GLIS3: variants seen among roughly 807,000 people sequenced by gnomAD.
GLIS3 encodes zinc finger protein GLIS3.
In GLIS3, 53 loss-of-function variants were observed where a neutral mutation model predicts 78.6. That is an observed-to-expected ratio of 0.67 (90% CI 0.54 to 0.85). GLIS3 has a LOEUF of 0.85. Among genes scored for constraint, GLIS3 ranks in the 40% least tolerant of loss-of-function variants. The pLI is 0.00. For missense variants in GLIS3, 1,703 were observed against 1,231.1 expected, an observed-to-expected ratio of 1.38 and a Z score of -5.74; for synonymous variants, 684 against 509.9, an observed-to-expected ratio of 1.34 and a Z score of -4.60.
intron 4 of GLIS3, among the ~76,000 whole-genome samples, chr9:4,037,959 A>AG (rs927667447): frequency 6.6e-6 from 1 of 151,918 alleles, no homozygotes; most frequent in Admixed American, 6.6e-5. Flanking sequence ...GGAAAGGAAA[A>AG]AAAAAATCAC....
intron 2 of GLIS3, among the ~76,000 whole-genome samples, chr9:4,233,818 AAGTCTG>A (rs1156628969): frequency 6.6e-6 from 1 of 152,198 alleles, no homozygotes; most frequent in African/African-American, 2.4e-5. Flanking sequence ...TCTACATTGA[AAGTCTG>A]TTTAGTGTAG....
At chr9:4,309,989 T>C (rs545432842) in intron 3 of GLIS3, among the ~76,000 whole-genome samples, 34 of 152,322 alleles carry the variant, frequency 2.2e-4, no homozygotes, top group African/African-American at 7.9e-4. Flanking sequence ...TGAATCACTG[T>C]CTGAACGCAA....
rs185142669 is a variant in GLIS3, at chr9:4,093,842, C to T, written c.1710+23926G>A. Among the ~76,000 whole-genome samples, 7 of 152,274 alleles carry T rather than the reference C, an allele frequency of 4.6e-5. No individual in the cohort carries two copies. The South Asian group carries it at 1.0e-3, about 23-fold the overall frequency. On this transcript the variant is annotated intron_variant, in intron 4 of 10. Transcript: ENST00000381971. ...CCAAACATGTATTCTTTGGCTATGA[C>T]AAGACAAGTTGACCAGAAGGCCTTA...
At chr9:4,222,808 G>C (rs1223748969) in intron 2 of GLIS3, among the ~76,000 whole-genome samples, 1 of 152,198 alleles carries the variant, frequency 6.6e-6, no homozygotes, top group East Asian at 1.9e-4. Flanking sequence ...ATATGTTTGA[G>C]ATAAAAGACA....
chr9:3,881,567 G>T (rs1821728765), intron 7 of GLIS3, among the ~76,000 whole-genome samples: 1 of 152,154 alleles, frequency 6.6e-6, no homozygotes, highest in South Asian at 2.1e-4. Context: ...GGAAATTGGG[G>T]ATTGTTTGTA....
the GLIS3 span, among the ~76,000 whole-genome samples, chr9:4,477,419 TG>T: frequency 1.3e-5 from 2 of 149,856 alleles, no homozygotes; most frequent in Non-Finnish European, 3.0e-5. Flanking sequence ...TTGGGGGGGC[TG>T]GGTTTTTTTT....
chr9:4,196,558 G>A (rs1027099691), intron 2 of GLIS3, among the ~76,000 whole-genome samples: 3 of 152,168 alleles, frequency 2.0e-5, no homozygotes, highest in African/African-American at 7.2e-5. Flanking sequence ...CCCACTGAGA[G>A]GAATGAACAA....
chr9:4,225,478 T>C (rs1293211599), intron 2 of GLIS3, among the ~76,000 whole-genome samples: 1 of 152,210 alleles, frequency 6.6e-6, no homozygotes, highest in Non-Finnish European at 1.5e-5. Flanking sequence ...AGAAAACTCA[T>C]TCCTGCAACC....
the GLIS3 span, among the ~76,000 whole-genome samples, chr9:4,387,869 CAGAAT>C: frequency 6.6e-6 from 1 of 152,202 alleles, no homozygotes; most frequent in South Asian, 2.1e-4. Context: ...GCCTTTACAG[CAGAAT>C]TTGTTATAGA....
chr9:4,115,878 C>T (rs1399802232), intron 4 of GLIS3, among the ~76,000 whole-genome samples: 4 of 152,140 alleles, frequency 2.6e-5, no homozygotes, highest in Admixed American at 6.5e-5. Flanking sequence ...AAAGATTCCA[C>T]CTAGAAGTGG....
intron 6 of GLIS3, among the ~76,000 whole-genome samples, chr9:3,916,726 T>C (rs570626126): frequency 2.6e-5 from 4 of 152,320 alleles, no homozygotes; most frequent in East Asian, 1.9e-4. Flanking sequence ...CTGGTTGCCA[T>C]GGCTACTGTT....
chr9:4,383,859 C>G, the GLIS3 span, among the ~76,000 whole-genome samples: 42 of 152,316 alleles, frequency 2.8e-4, no homozygotes, highest in African/African-American at 1.0e-3. Context: ...GTAACTGGAT[C>G]TCCAGTAGTT....
chr9:4,260,814 C>A (rs188860746), intron 2 of GLIS3, among the ~76,000 whole-genome samples: 11 of 152,150 alleles, frequency 7.2e-5, no homozygotes, highest in African/African-American at 2.7e-4. Flanking sequence ...AGAAATACTT[C>A]TGGCTCATTA....
rs138059114 is a variant in GLIS3 at position 3,999,518 on chromosome 9, T to G, written c.1711-62329A>C. Among the ~76,000 whole-genome samples the G allele has an allele frequency of 4.8e-3, 731 of 152,208 alleles. 7 individuals are homozygous for G. The highest frequency in any genetic ancestry group is 0.017 in the African/African-American group (704 of 41,554). On this transcript the variant is annotated intron_variant, in intron 4 of 10. Coordinates refer to ENST00000381971, the MANE Select transcript of GLIS3 (RefSeq NM_001042413.2). ...CCATGTATAAAACAATAATGAAAAT[T>G]TATAATATACCATGGGGGGAAATAC... is the stretch of plus-strand genomic sequence containing the variant.
At chr9:4,122,493 A>G (rs1053507513) in intron 3 of GLIS3, among the ~76,000 whole-genome samples, 4 of 152,142 alleles carry the variant, frequency 2.6e-5, no homozygotes, top group African/African-American at 7.2e-5. Context: ...ACCATCACCA[A>G]GAATTTCTGA....
At chr9:4,346,333 T>C (rs1194050937) in intron 2 of GLIS3, among the ~76,000 whole-genome samples, 1 of 152,172 alleles carries the variant, frequency 6.6e-6, no homozygotes, top group East Asian at 1.9e-4. Context: ...ATACAATACA[T>C]ACAAAGCTTC....
chr9:3,900,936 AAAG>A (rs1202228543), intron 6 of GLIS3: 2 of 152,226 alleles, frequency 1.3e-5, no homozygotes, highest in Non-Finnish European at 2.9e-5. Context: ...GAGAACCACT[AAAG>A]AAGAAGAAAC....
chr9:4,033,673 T>C (rs748704276), intron 4 of GLIS3, among the ~76,000 whole-genome samples: 7 of 152,112 alleles, frequency 4.6e-5, no homozygotes, highest in Non-Finnish European at 8.8e-5. Context: ...AGGTGATTCC[T>C]ATGCACATTC....
the GLIS3 span, among the ~76,000 whole-genome samples, chr9:4,379,061 T>G: frequency 1.4e-4 from 21 of 152,206 alleles, no homozygotes; most frequent in Non-Finnish European, 1.6e-4. Flanking sequence ...GTGGTTTTCT[T>G]GCCTAACCTG....
Sources: allele counts gnomAD v4.1 joint callset (sites outside exome capture counted in the v4.1 genomes callset), GRCh38; gene constraint gnomAD v4.1.1; transcripts MANE v1.5; gene names NCBI Gene and HGNC (gene_info 2026-07-23, HGNC 2026-07-21).